The following B4GALNT3 variants were observed in gnomAD, a reference collection of about 807,000 sequenced individuals.
B4GALNT3 encodes beta-1,4-N-acetylgalactosaminyltransferase 3.
B4GALNT3 carries 86 observed loss-of-function variants against 120.2 expected under a neutral mutation model. That is an observed-to-expected ratio of 0.72 (90% CI 0.60 to 0.86). The LOEUF (loss-of-function observed/expected upper bound fraction) is 0.86, where lower values mean the gene tolerates loss of function less well. B4GALNT3 is among the 40% of genes least tolerant of loss of function. The pLI, the probability that B4GALNT3 is intolerant of heterozygous loss-of-function variation, is 0.00. For synonymous variants in B4GALNT3, 518 were observed against 510.4 expected, an observed-to-expected ratio of 1.01 and a Z score of -0.20; for missense variants, 1,167 against 1,298.9, an observed-to-expected ratio of 0.90 and a Z score of 1.56.
At chr12:538,621 G>A (rs1351734476) in intron 3 of B4GALNT3, among the ~76,000 whole-genome samples, 1 of 151,550 alleles carries the variant, frequency 6.6e-6, no homozygotes, top group African/African-American at 2.4e-5. Context: ...TGGCCTTTTG[G>A]TGGTAAATGA....
Position 550,499 on chromosome 12 carries a change from C to CA in B4GALNT3, c.998-420dup, listed in dbSNP as rs1417202795. 1.2e-4 allele frequency among the ~76,000 whole-genome samples: 17 copies of CA among 147,504 alleles called. No individual in the cohort carries two copies. The East Asian group carries it at 1.2e-3, about 11-fold the overall frequency. On this transcript the variant is annotated intron_variant, in intron 10 of 19. Coordinates refer to ENST00000266383, the MANE Select transcript of B4GALNT3 (RefSeq NM_173593.4). This position sits in a 1 kb window ranked among gnomAD's most constrained non-coding sequence, Gnocchi z 4.1. ...GTGAGATCCTGTCAAAAAAAACAAA[C>CA]AAACAAAAAAAACAACAAAGTTTCT...
In B4GALNT3 at chr12:465,576, G is replaced by A. The variant is rs548240669; in HGVS notation, c.169+5031G>A. ...GGGCATTGCCTATACGAGGAATGCAGTTTTTGACAATAGGTGACCTTACCC... is the reference window on the plus strand; with the variant it reads ...GGGCATTGCCTATACGAGGAATGCAATTTTTGACAATAGGTGACCTTACCC... On this transcript the variant is annotated intron_variant, in intron 1 of 19. Coordinates refer to ENST00000266383, the MANE Select transcript of B4GALNT3 (RefSeq NM_173593.4). 7.9e-5 allele frequency among the ~76,000 whole-genome samples: 12 copies of A among 152,100 alleles called. No individual in the cohort carries two copies. The East Asian group carries it at 1.9e-3, about 25-fold the overall frequency.
chr12:507,102 A>G (rs1946505105), intron 1 of B4GALNT3, among the ~76,000 whole-genome samples: 1 of 152,162 alleles, frequency 6.6e-6, no homozygotes. Flanking sequence ...CCAATATCGG[A>G]TGTTATTATT....
At chr12:515,977 A>C (rs199765180) in intron 1 of B4GALNT3, among the ~76,000 whole-genome samples, 38 of 151,530 alleles carry the variant, frequency 2.5e-4, no homozygotes, top group South Asian at 2.1e-4. Context: ...CTCTACTAAA[A>C]ACACACACAC....
At chr12:522,535 T>G (rs181157187) in intron 1 of B4GALNT3, among the ~76,000 whole-genome samples, 1 of 152,156 alleles carries the variant, frequency 6.6e-6, no homozygotes, top group Non-Finnish European at 1.5e-5. Flanking sequence ...CAGTTCGTGT[T>G]TAATGGGTAC....
At chr12:544,802 C>CA in intron 4 of B4GALNT3, 80 bp from the exon 5 acceptor site, 1 of 1,422,326 alleles carries the variant, frequency 7.0e-7, no homozygotes, top group Admixed American at 1.8e-5. Flanking sequence ...TAGTCCCCTC[C>CA]TGGTCTTCCC....
At position 553,440 on chromosome 12, in the gene B4GALNT3, T is replaced by C. The variant is rs1947108282; in HGVS notation, c.1517T>C (p.Ile506Thr). The part of the protein sequence containing the change: ...TASFPGRTSH[I>T]PVQQPEKRKQ... ...TCCTTCCCAGGGAGGACCAGCCACA[T>C]TCCAGTGCAGCAGCCAGAGAAGAGG... Residue 506 changes from isoleucine to threonine, a missense_variant, in exon 14 of 20, where the codon ATT becomes ACT. Ile to Thr is a moderately conservative substitution (Grantham distance 89, BLOSUM62 -1). Transcript: ENST00000266383. 1.2e-6 allele frequency: 2 copies of C among 1,614,108 alleles called. No individual in the cohort carries two copies. The highest frequency in any genetic ancestry group is 4.5e-5 in the East Asian group (2 of 44,880).
intron 1 of B4GALNT3, among the ~76,000 whole-genome samples, chr12:497,754 G>A (rs1755402698): frequency 6.6e-6 from 1 of 152,122 alleles, no homozygotes; most frequent in South Asian, 2.1e-4. Context: ...CCCGCTCTTT[G>A]TGTCTAAGTC....
chr12:511,407 C>CCTTCCCCCTTCCACCTTCCACCTT (rs1946555224), intron 1 of B4GALNT3, among the ~76,000 whole-genome samples: 1 of 69,236 alleles, frequency 1.4e-5, no homozygotes, highest in East Asian at 6.1e-4. Flanking sequence ...CTTCCACCTT[C>CCTTCCCCCTTCCACCTTCCACCTT]CTTCCACCTT....
intron 1 of B4GALNT3, among the ~76,000 whole-genome samples, chr12:484,025 G>A (rs140813319): frequency 3.9e-5 from 6 of 152,310 alleles, no homozygotes; most frequent in Non-Finnish European, 8.8e-5. Flanking sequence ...TTTACTTGCT[G>A]CTCCTTCTTG....
intron 1 of B4GALNT3, among the ~76,000 whole-genome samples, chr12:512,130 A>G (rs1296985164): frequency 1.4e-5 from 1 of 70,078 alleles, no homozygotes; most frequent in Admixed American, 1.6e-4. Context: ...TCGAGCTTCC[A>G]CCTTCCACCT....
chr12:558,803 G>T (rs1037259406), intron 18 of B4GALNT3, 142 bp downstream of exon 18: 2 of 911,122 alleles, frequency 2.2e-6, no homozygotes, highest in Non-Finnish European at 3.2e-6. Flanking sequence ...TTCACTCCCC[G>T]GAAAACTCAC....
At position 550,449 on chromosome 12, in the gene B4GALNT3, A is replaced by G. The variant is rs997401674; in HGVS notation, c.998-473A>G. ...GGCTGCAGTGAGCTGTGATTGAACC[A>G]CTGCACTCCAGCCTGGGTGACAGAG... On this transcript the variant is annotated intron_variant, in intron 10 of 19. Transcript: ENST00000266383. This position sits in a 1 kb window ranked among gnomAD's most constrained non-coding sequence, Gnocchi z 4.1. 1.3e-5 allele frequency among the ~76,000 whole-genome samples: 2 copies of G among 152,042 alleles called. No individual in the cohort carries two copies. Among genetic ancestry groups the G allele is most frequent in the African/African-American group, 4.8e-5 (2 of 41,384 alleles).
At chr12:491,429 A>G (rs1946338696) in intron 1 of B4GALNT3, among the ~76,000 whole-genome samples, 1 of 151,934 alleles carries the variant, frequency 6.6e-6, no homozygotes, top group African/African-American at 2.4e-5. Flanking sequence ...TTCTGGGCTC[A>G]AACAATCCTT....
chr12:487,590 G>A (rs1946301561), intron 1 of B4GALNT3, among the ~76,000 whole-genome samples: 1 of 152,054 alleles, frequency 6.6e-6, no homozygotes, highest in Non-Finnish European at 1.5e-5. Context: ...GCGCATGCCT[G>A]TAGTCCCAGC....
chr12:483,269 A>T (rs149592926), intron 1 of B4GALNT3, among the ~76,000 whole-genome samples: 184 of 152,342 alleles, frequency 1.2e-3, no homozygotes, highest in African/African-American at 4.3e-3. Context: ...TCTTTTAAAT[A>T]GCAATTGATA....
In B4GALNT3 at chr12:558,047, G is replaced by A; in HGVS notation, c.2566G>A (p.Glu856Lys). 1 of 1,613,956 alleles carries A rather than the reference G, an allele frequency of 6.2e-7. No homozygotes were observed. The highest frequency in any genetic ancestry group is 8.5e-7 in the Non-Finnish European group (1 of 1,180,040). ...YQYVKLSGNF[E>K]RSAGLQAGID... is the part of the protein sequence containing the mutation. ...GTACGTGAAGCTAAGTGGAAACTTTGAACGCTCAGCTGGACTTCAGGCTGG... is the reference window on the plus strand; with the variant it reads ...GTACGTGAAGCTAAGTGGAAACTTTAAACGCTCAGCTGGACTTCAGGCTGG... Residue 856 changes from glutamate to lysine, a missense_variant, in exon 17 of 20, where the codon GAA (glutamate) becomes AAA (lysine). Glu to Lys is a moderately conservative substitution (Grantham distance 56). Coordinates refer to ENST00000266383, the MANE Select transcript of B4GALNT3 (RefSeq NM_173593.4).
intron 1 of B4GALNT3, among the ~76,000 whole-genome samples, chr12:492,334 G>T (rs1052441319): frequency 6.6e-6 from 1 of 152,134 alleles, no homozygotes; most frequent in African/African-American, 2.4e-5. Flanking sequence ...TGAACAAGTG[G>T]AATTTGAAAT....
At chr12:526,934 T>G (rs1041590296) in intron 1 of B4GALNT3, among the ~76,000 whole-genome samples, 192 of 152,068 alleles carry the variant, frequency 1.3e-3, no homozygotes, top group African/African-American at 4.5e-3. Flanking sequence ...TTGTTTTTTG[T>G]TTGTTTGTTT....
Sources: allele counts gnomAD v4.1 joint callset (sites outside exome capture counted in the v4.1 genomes callset), GRCh38; gene constraint gnomAD v4.1.1; non-coding constraint Gnocchi (gnomAD v3.1); transcripts MANE v1.5; gene names NCBI Gene and HGNC (gene_info 2026-07-23, HGNC 2026-07-21).